The following ABI3 variants were observed in gnomAD, a reference collection of about 807,000 sequenced individuals.
The protein encoded by ABI3 is ABI gene family member 3.
A neutral mutation model predicts 37.0 loss-of-function variants in ABI3; 24 were observed. That is an observed-to-expected ratio of 0.65 (90% CI 0.47 to 0.91). The LOEUF is 0.91. Ranked by LOEUF, ABI3 falls within the 40% of genes least tolerant of loss-of-function variation. ABI3 has a pLI of 0.00. For missense variants in ABI3, 481 were observed against 485.1 expected, an observed-to-expected ratio of 0.99 and a Z score of 0.08; for synonymous variants, 220 against 211.8, an observed-to-expected ratio of 1.04 and a Z score of -0.34.
intron 6 of ABI3, among the ~76,000 whole-genome samples, chr17:49,221,016 T>C (rs1417315085): frequency 7.2e-6 from 1 of 138,226 alleles, no homozygotes; most frequent in African/African-American, 2.8e-5. Context: ...TGACTAAAAA[T>C]ACAAAAATTA....
rs749265776 is a variant in ABI3 at position 49,219,528 on chromosome 17, G to C, written c.463-12G>C. On this transcript the variant is annotated splice_polypyrimidine_tract_variant and intron_variant, in intron 3 of 7. Coordinates refer to ENST00000225941, the MANE Select transcript of ABI3 (RefSeq NM_016428.3). This position sits in a 1 kb window ranked among gnomAD's most constrained non-coding sequence, Gnocchi z 4.3. ...ACCCCAAATGTAAGCCCTACCTCCC[G>C]CTCCCTCGCAGGACCTCAGCACGCA... 5.0e-6 allele frequency: 8 copies of C among 1,592,328 alleles called. No homozygotes were observed. The highest frequency in any genetic ancestry group is 2.3e-5 in the South Asian group (2 of 87,880).
rs1444571982 is a variant in ABI3, at chr17:49,219,192, C to G, written c.463-348C>G. ...ATGTGTCCTCTCCTTTCTCCGCCCC[C>G]TCCTCAGCCCGATCAAAGTTAGGGA... On this transcript the variant is annotated intron_variant, in intron 3 of 7. Coordinates refer to ENST00000225941, the MANE Select transcript of ABI3 (RefSeq NM_016428.3). The surrounding 1 kb of genome is among the most constrained non-coding windows in gnomAD (Gnocchi z 4.3). Among the ~76,000 whole-genome samples, 1 of 152,174 alleles carries G rather than the reference C, an allele frequency of 6.6e-6. No individual in the cohort carries two copies. The highest frequency in any genetic ancestry group is 1.5e-5 in the Non-Finnish European group (1 of 68,024).
intron 1 of ABI3, among the ~76,000 whole-genome samples, chr17:49,216,140 C>G (rs1026317578): frequency 4.0e-5 from 6 of 150,378 alleles, no homozygotes; most frequent in Non-Finnish European, 5.9e-5. Flanking sequence ...AGAATGTCTG[C>G]TCTAGCCAGT....
At chr17:49,212,314 G>T (rs2043177075) in intron 1 of ABI3, among the ~76,000 whole-genome samples, 1 of 152,108 alleles carries the variant, frequency 6.6e-6, no homozygotes, top group African/African-American at 2.4e-5. Context: ...TACACGCTAT[G>T]TGACTTTACG....
Position 49,219,717 on chromosome 17 carries a change from C to G in ABI3, c.548+92C>G. 2 of 1,430,404 alleles carry G rather than the reference C, an allele frequency of 1.4e-6. No individual in the cohort carries two copies. Among genetic ancestry groups the G allele is most frequent in the Admixed American group, 2.0e-5 (1 of 50,134 alleles). 88.6% of individuals were successfully genotyped at this position (1,430,404 alleles called of 1,614,324 possible). On this transcript the variant is annotated intron_variant, in intron 4 of 7. Transcript: ENST00000225941. The surrounding 1 kb of genome is among the most constrained non-coding windows in gnomAD (Gnocchi z 4.3). Reference sequence around the variant, plus strand: ...CAGCCTCGCCACCCACCCCTGGCGCCCCCGGGTGCTCAGGCCGTCATGCTG... The same window carrying G: ...CAGCCTCGCCACCCACCCCTGGCGCGCCCGGGTGCTCAGGCCGTCATGCTG...
Position 49,222,565 on chromosome 17 carries a change from C to T in ABI3, c.951C>T (p.Tyr317=). ...CTTGCCCTGCAGTGGTGACACTGTACCCATACACCAGCCAGAAGGACAATG... is the reference window on the plus strand; with the variant it reads ...CTTGCCCTGCAGTGGTGACACTGTATCCATACACCAGCCAGAAGGACAATG... The part of the protein sequence containing the change: ...ASYLEKVVTL[Y]PYTSQKDNEL... The change falls in exon 8 of 8, where the codon TAC becomes TAT. Residue 317 remains tyrosine (Y), a synonymous_variant. Coordinates refer to ENST00000225941, the MANE Select transcript of ABI3 (RefSeq NM_016428.3). 6.2e-7 allele frequency: 1 copy of T among 1,613,926 alleles called. No homozygotes were observed. Among genetic ancestry groups the T allele is most frequent in the South Asian group, 1.1e-5 (1 of 91,066 alleles).
intron 7 of ABI3, 122 bp from the exon 8 acceptor site, chr17:49,222,429 GA>G: frequency 7.2e-7 from 1 of 1,397,436 alleles, no homozygotes; most frequent in Non-Finnish European, 9.7e-7. Flanking sequence ...AGGCTTGCAA[GA>G]AGGCCCCCAA....
At chr17:49,221,033 C>T (rs1322739597) in intron 6 of ABI3, among the ~76,000 whole-genome samples, 3 of 148,594 alleles carry the variant, frequency 2.0e-5, no homozygotes, top group South Asian at 2.1e-4. Flanking sequence ...ATTAGCCTGG[C>T]GTGGTGGTGC....
chr17:49,217,129 C>CGTA, intron 2 of ABI3, among the ~76,000 whole-genome samples: 1 of 152,258 alleles, frequency 6.6e-6, no homozygotes, highest in Admixed American at 6.5e-5. Flanking sequence ...AGTGTTCTAG[C>CGTA]GCACACACCC....
intron 1 of ABI3, among the ~76,000 whole-genome samples, chr17:49,216,055 G>C (rs1307839622): frequency 6.6e-6 from 1 of 151,128 alleles, no homozygotes; most frequent in Non-Finnish European, 1.5e-5. Flanking sequence ...AGGTTGTGGT[G>C]AGCCGAGATC....
At position 49,210,948 on chromosome 17, in the gene ABI3, C is replaced by A; in HGVS notation, c.117+107C>A. ...CCATCCTGACAGTGCTTGTCCTGGG[C>A]CTTGGCTGAGAAATCCTCCCATTCC... On this transcript the variant is annotated intron_variant, in intron 1 of 7. Coordinates refer to ENST00000225941, the MANE Select transcript of ABI3 (RefSeq NM_016428.3). The surrounding 1 kb of genome is among the most constrained non-coding windows in gnomAD (Gnocchi z 4.2). 2.2e-6 allele frequency: 2 copies of A among 905,970 alleles called. No homozygotes were observed. Among genetic ancestry groups the A allele is most frequent in the Non-Finnish European group, 3.3e-6 (2 of 603,030 alleles). The allele number at this position is 905,970 out of a possible 1,614,324, so 56.1% of individuals were successfully genotyped here. A position where few individuals can be genotyped will look rare whatever the true frequency, so the allele number is the denominator to read the frequency against.
intron 1 of ABI3, among the ~76,000 whole-genome samples, chr17:49,215,040 T>G (rs560105321): frequency 1.3e-5 from 2 of 152,056 alleles, no homozygotes; most frequent in African/African-American, 4.8e-5. Context: ...CTAAATACCA[T>G]GAAGAAAAGA....
At chr17:49,216,912 C>T (rs893875098) in intron 2 of ABI3, among the ~76,000 whole-genome samples, 3 of 152,148 alleles carry the variant, frequency 2.0e-5, no homozygotes, top group Non-Finnish European at 2.9e-5. Flanking sequence ...TTTTCTTTCT[C>T]GGAATTATAT....
intron 1 of ABI3, among the ~76,000 whole-genome samples, chr17:49,212,309 G>C (rs1285983888): frequency 6.6e-6 from 1 of 152,006 alleles, no homozygotes; most frequent in Admixed American, 6.6e-5. Context: ...CTCCCTACAC[G>C]CTATGTGACT....
chr17:49,219,542 C>T lies in ABI3; in HGVS notation c.465C>T (p.Asp155=). ...CCCTACCTCCCGCTCCCTCGCAGGA[C>T]CTCAGCACGCAGCTGTCAAGAACAG... ...CLDDIGHGIK[D]LSTQLSRTGT... Residue 155 remains aspartate (D), a splice_region_variant and synonymous_variant, in exon 4 of 8, where the codon GAC becomes GAT. Transcript: ENST00000225941. The surrounding 1 kb of genome is among the most constrained non-coding windows in gnomAD (Gnocchi z 4.3). 1 of 1,602,326 alleles carries T rather than the reference C, an allele frequency of 6.2e-7. No individual in the cohort carries two copies. The highest frequency in any genetic ancestry group is 8.5e-7 in the Non-Finnish European group (1 of 1,174,786).
In ABI3 at chr17:49,219,967, G is replaced by A. The variant is rs1251595714; in HGVS notation, c.644+14G>A. The A allele has an allele frequency of 6.2e-6, 7 of 1,137,708 alleles. No individual in the cohort carries two copies. The highest frequency in any genetic ancestry group is 9.0e-6 in the Non-Finnish European group (7 of 781,306). 70.5% of individuals were successfully genotyped at this position (1,137,708 alleles called of 1,614,324 possible). A position where few individuals can be genotyped will look rare whatever the true frequency, so the allele number is the denominator to read the frequency against. ...GGCCTCGGCCGGGTGAGACCTACAA[G>A]CCCACGTGGGTGGGTGGGGGGTGGG... On this transcript the variant is annotated intron_variant, in intron 5 of 7. Coordinates refer to ENST00000225941, the MANE Select transcript of ABI3 (RefSeq NM_016428.3). The surrounding 1 kb of genome is among the most constrained non-coding windows in gnomAD (Gnocchi z 4.3).
rs181247182 is a variant in ABI3 at position 49,221,063 on chromosome 17, C to T, written c.802+737C>T. ...TGGTGCGTGCCTGTAATTCCAGCTA[C>T]TCAGGAGGCTGAGGCAGGAGGATCA... On this transcript the variant is annotated intron_variant, in intron 6 of 7. Coordinates refer to ENST00000225941, the MANE Select transcript of ABI3 (RefSeq NM_016428.3). Among the ~76,000 whole-genome samples the T allele has an allele frequency of 1.2e-3, 177 of 151,240 alleles. 1 individual carries two copies. The highest frequency in any genetic ancestry group is 2.8e-3 in the African/African-American group (116 of 41,152).
rs2043261387 is a variant in ABI3, at chr17:49,219,797, A to G, written c.549-61A>G. On this transcript the variant is annotated intron_variant, in intron 4 of 7. Transcript: ENST00000225941. The surrounding 1 kb of genome is among the most constrained non-coding windows in gnomAD (Gnocchi z 4.3). ...CACCTGCCCTTCCTGCTCGCACCCG[A>G]CCCCTGCTGGCCAGAAGCCTTCCTC... is the stretch of plus-strand genomic sequence containing the variant. 6.7e-7 allele frequency: 1 copy of G among 1,502,088 alleles called. No individual in the cohort carries two copies. Among genetic ancestry groups the G allele is most frequent in the Non-Finnish European group, 9.0e-7 (1 of 1,116,006 alleles). The allele number at this position is 1,502,088 out of a possible 1,614,324, so 93.0% of individuals were successfully genotyped here.
chr17:49,222,729 T>C lies in ABI3; in HGVS notation c.*14T>C. 1 of 1,550,030 alleles carries C rather than the reference T, an allele frequency of 6.5e-7. No individual in the cohort carries two copies. Among genetic ancestry groups the C allele is most frequent in the South Asian group, 1.2e-5 (1 of 84,634 alleles). ...CCCAGCTGCTGACAGCCCAGGGCTC[T>C]CTGGGCAGCTGATGTCTGCACTGAG... On this transcript the variant is annotated 3_prime_UTR_variant, in exon 8 of 8. Coordinates refer to ENST00000225941, the MANE Select transcript of ABI3 (RefSeq NM_016428.3).
Sources: gnomAD v4.1 joint callset for allele counts (sites outside exome capture counted in the v4.1 genomes callset) on GRCh38, gnomAD v4.1.1 for gene constraint, Gnocchi (gnomAD v3.1) non-coding constraint, MANE v1.5 for transcripts, NCBI Gene and HGNC (gene_info 2026-07-23, HGNC 2026-07-21) for gene names.